SHISA8: variants seen among roughly 807,000 people sequenced by gnomAD.
SHISA8 encodes protein shisa-8.
In SHISA8, 21 loss-of-function variants were observed where a neutral mutation model predicts 21.1. The observed-to-expected ratio is 0.99, with a 90% CI of 0.71 to 1.43. The LOEUF is 1.43. Among genes scored for constraint, SHISA8 ranks in the 40% most tolerant of loss-of-function variants. The pLI is 0.00. For missense variants in SHISA8, 535 were observed against 599.1 expected, an observed-to-expected ratio of 0.89 and a Z score of 1.12; for synonymous variants, 300 against 291.4, an observed-to-expected ratio of 1.03 and a Z score of -0.30.
At chr22:41,912,322 C>T (rs1336460846) in intron 1 of SHISA8, among the ~76,000 whole-genome samples, 5 of 152,238 alleles carry the variant, frequency 3.3e-5, no homozygotes, top group Non-Finnish European at 7.3e-5. Context: ...ACCCTCCTTC[C>T]GGGGCTAGAG....
At position 41,914,771 on chromosome 22, in the gene SHISA8, C is replaced by T. The variant is rs1168003167; in HGVS notation, c.-104G>A. 3 of 881,006 alleles carry T rather than the reference C, an allele frequency of 3.4e-6. No individual in the cohort carries two copies. Among genetic ancestry groups the T allele is most frequent in the Admixed American group, 6.2e-5 (1 of 16,238 alleles). 54.6% of individuals were successfully genotyped at this position (881,006 alleles called of 1,614,324 possible). A position where few individuals can be genotyped will look rare whatever the true frequency, so the allele number is the denominator to read the frequency against. ...GCAGGGATCGCGCTGGCTCCCGGCG[C>T]ACGCCGCCTCGGCCGTCGGCCTCCT... On this transcript the variant is annotated 5_prime_UTR_variant, in exon 1 of 4. Coordinates refer to ENST00000621082, the MANE Select transcript of SHISA8 (RefSeq NM_001207020.3). This position sits in a 1 kb window ranked among gnomAD's most constrained non-coding sequence, Gnocchi z 6.8.
Position 41,911,321 on chromosome 22 carries a change from C to A in SHISA8, c.559G>T (p.Gly187Cys). The A allele has an allele frequency of 8.0e-7, 1 of 1,246,116 alleles. No homozygotes were observed. Among genetic ancestry groups the A allele is most frequent in the South Asian group, 3.5e-5 (1 of 28,786 alleles). 77.2% of individuals were successfully genotyped at this position (1,246,116 alleles called of 1,614,324 possible). A position where few individuals can be genotyped will look rare whatever the true frequency, so the allele number is the denominator to read the frequency against. ...RALTELLKQP[G>C]PQEPLPPTLG... Reference sequence around the variant, plus strand: ...GTGGGAGGCAGTGGCTCCTGGGGGCCCGGCTGCTTCAGAAGCTCTGTCAGC... The same window carrying A: ...GTGGGAGGCAGTGGCTCCTGGGGGCACGGCTGCTTCAGAAGCTCTGTCAGC... Residue 187 changes from glycine to cysteine, a missense_variant, in exon 2 of 4, where the codon GGC becomes TGC. Coordinates refer to ENST00000621082, the MANE Select transcript of SHISA8 (RefSeq NM_001207020.3).
chr22:41,911,319 G>T lies in SHISA8; in HGVS notation c.561C>A (p.Gly187=), dbSNP rs1472234651. 6 of 1,246,094 alleles carry T rather than the reference G, an allele frequency of 4.8e-6. No homozygotes were observed. Among genetic ancestry groups the T allele is most frequent in the African/African-American group, 1.5e-5 (1 of 64,638 alleles). 77.2% of individuals were successfully genotyped at this position (1,246,094 alleles called of 1,614,324 possible). Residue 187 remains glycine, a synonymous_variant, in exon 2 of 4, where the codon GGC becomes GGA. Coordinates refer to ENST00000621082, the MANE Select transcript of SHISA8 (RefSeq NM_001207020.3). ...RALTELLKQP[G]PQEPLPPTLG... ...GGGTGGGAGGCAGTGGCTCCTGGGGGCCCGGCTGCTTCAGAAGCTCTGTCA... is the reference window on the plus strand; with the variant it reads ...GGGTGGGAGGCAGTGGCTCCTGGGGTCCCGGCTGCTTCAGAAGCTCTGTCA...
Position 41,914,883 on chromosome 22 carries a change from G to T in SHISA8, c.-216C>A, listed in dbSNP as rs960975449. The stretch of plus-strand genomic sequence containing the variant: ...GCGTCCTCCGCCCGGGCTCACCTCG[G>T]ACCCGAGCTGCCCGGTCCGCGTCCT... On this transcript the variant is annotated 5_prime_UTR_variant, in exon 1 of 4. Transcript: ENST00000621082. The surrounding 1 kb of genome is among the most constrained non-coding windows in gnomAD (Gnocchi z 6.8). 6.6e-6 allele frequency among the ~76,000 whole-genome samples: 1 copy of T among 151,304 alleles called. No individual in the cohort carries two copies. Among genetic ancestry groups the T allele is most frequent in the African/African-American group, 2.4e-5 (1 of 41,312 alleles).
rs1432156191 is a variant in SHISA8, at chr22:41,910,803, G to A, written c.665-249C>T. On this transcript the variant is annotated intron_variant, in intron 2 of 3. Coordinates refer to ENST00000621082, the MANE Select transcript of SHISA8 (RefSeq NM_001207020.3). This position sits in a 1 kb window ranked among gnomAD's most constrained non-coding sequence, Gnocchi z 6.8. ...TGCCACCCTCATGAACGGCTCGCCCGGAGGCGACGCTCGAGCCAGGCGCGG... is the reference window on the plus strand; with the variant it reads ...TGCCACCCTCATGAACGGCTCGCCCAGAGGCGACGCTCGAGCCAGGCGCGG... Among the ~76,000 whole-genome samples the A allele has an allele frequency of 6.6e-6, 1 of 152,082 alleles. No homozygotes were observed. The highest frequency in any genetic ancestry group is 1.5e-5 in the Non-Finnish European group (1 of 68,004).
Position 41,909,989 on chromosome 22 carries a change from G to T in SHISA8, c.970C>A (p.Pro324Thr), listed in dbSNP as rs2077537187. Residue 324 changes from proline (P) to threonine (T), a missense_variant, in exon 4 of 4, where the codon CCC becomes ACC. Transcript: ENST00000621082. ...CGACTGGAGGTCCAGGCGGCATAGG[G>T]GCCCGGCGCGGCAGGGGGCGCGTAG... ...PVYAPPAAPG[P>T]YAAWTSSRPA... The T allele has an allele frequency of 3.8e-6, 5 of 1,320,518 alleles. No homozygotes were observed. The Admixed American group carries it at 2.1e-4, about 55-fold the overall frequency. The allele number at this position is 1,320,518 out of a possible 1,614,324, so 81.8% of individuals were successfully genotyped here. A position where few individuals can be genotyped will look rare whatever the true frequency, so the allele number is the denominator to read the frequency against.
At chr22:41,912,606 C>G (rs148613983) in intron 1 of SHISA8, among the ~76,000 whole-genome samples, 1 of 152,172 alleles carries the variant, frequency 6.6e-6, no homozygotes, top group Admixed American at 6.5e-5. Context: ...CTCTGAGAAG[C>G]CTTCCCTGGC....
intron 1 of SHISA8, among the ~76,000 whole-genome samples, chr22:41,913,151 G>A (rs2077562658): frequency 6.6e-6 from 1 of 152,252 alleles, no homozygotes; most frequent in Non-Finnish European, 1.5e-5. Context: ...GGGCTACGTG[G>A]TTTCGGGAGC....
At position 41,909,955 on chromosome 22, in the gene SHISA8, C is replaced by T. The variant is rs1349777965; in HGVS notation, c.1004G>A (p.Arg335Gln). The stretch of plus-strand genomic sequence containing the variant: ...CGTCGGGTGGCTGAGCGGGGCGGGC[C>T]GGGCCGGGCGACTGGAGGTCCAGGC... ...YAAWTSSRPA[R>Q]PAPLSHPTAR... The change falls in exon 4 of 4, where the codon CGG (arginine) becomes CAG (glutamine). Residue 335 changes from arginine (R) to glutamine (Q), a missense_variant. Physicochemically the swap from Arg to Gln is conservative, Grantham distance 43 (BLOSUM62 1). Transcript: ENST00000621082. 2 of 1,470,828 alleles carry T rather than the reference C, an allele frequency of 1.4e-6. No homozygotes were observed. Among genetic ancestry groups the T allele is most frequent in the Admixed American group, 2.4e-5 (1 of 41,248 alleles). The allele number at this position is 1,470,828 out of a possible 1,614,324, so 91.1% of individuals were successfully genotyped here. A position where few individuals can be genotyped will look rare whatever the true frequency, so the allele number is the denominator to read the frequency against.
rs528844299 is a variant in SHISA8 at position 41,911,488 on chromosome 22, G to A, written c.531-139C>T. 1.7e-4 allele frequency: 162 copies of A among 957,268 alleles called. 1 individual carries two copies. In the South Asian group the frequency reaches 6.8e-3, roughly 40 times the overall value. 59.3% of individuals were successfully genotyped at this position (957,268 alleles called of 1,614,324 possible). A position where few individuals can be genotyped will look rare whatever the true frequency, so the allele number is the denominator to read the frequency against. Reference sequence around the variant, plus strand: ...CGTCCTCTCCGGTGCTCGAAATCACGCACGAGTTTCCCCTCCCAGGCAGTA... The same window carrying A: ...CGTCCTCTCCGGTGCTCGAAATCACACACGAGTTTCCCCTCCCAGGCAGTA... On this transcript the variant is annotated intron_variant, in intron 1 of 3. Transcript: ENST00000621082.
At chr22:41,911,172 C>T in intron 2 of SHISA8, 44 bp downstream of exon 2, 1 of 1,258,142 alleles carries the variant, frequency 7.9e-7, no homozygotes, top group Non-Finnish European at 1.0e-6. Flanking sequence ...TCACGCCCCT[C>T]CGCGTGCTCC....
At chr22:41,911,509 C>T (rs1226010989) in intron 1 of SHISA8, among the ~76,000 whole-genome samples, 160 bp from the exon 2 acceptor site, 1 of 152,202 alleles carries the variant, frequency 6.6e-6, no homozygotes, top group East Asian at 1.9e-4. Flanking sequence ...CCCTCCCAGG[C>T]AGTATCTGCC....
At position 41,910,244 on chromosome 22, in the gene SHISA8, CCGGGGCGGGCCGGGGG is replaced by C. The variant is rs2077539701; in HGVS notation, c.812-113_812-98del. ...GCCGGGGACTGGGACGGGGACCGGG[CCGGGGCGGGCCGGGGG>C]CGGGGCCCGCTGGGGCGAGGGAGCC... On this transcript the variant is annotated intron_variant, in intron 3 of 3. Transcript: ENST00000621082. The surrounding 1 kb of genome is among the most constrained non-coding windows in gnomAD (Gnocchi z 6.8). 3 of 1,219,162 alleles carry C rather than the reference CCGGGGCGGGCCGGGGG, an allele frequency of 2.5e-6. No individual in the cohort carries two copies. The African/African-American group carries it at 4.8e-5, about 19-fold the overall frequency. The allele number at this position is 1,219,162 out of a possible 1,614,324, so 75.5% of individuals were successfully genotyped here.
chr22:41,909,778 T>C lies in SHISA8; in HGVS notation c.1181A>G (p.Glu394Gly). 6.8e-7 allele frequency: 1 copy of C among 1,474,836 alleles called. No homozygotes were observed. Among genetic ancestry groups the C allele is most frequent in the Admixed American group, 2.3e-5 (1 of 44,186 alleles). The allele number at this position is 1,474,836 out of a possible 1,614,324, so 91.4% of individuals were successfully genotyped here. A position where few individuals can be genotyped will look rare whatever the true frequency, so the allele number is the denominator to read the frequency against. The change falls in exon 4 of 4, where the codon GAG becomes GGG. Residue 394 changes from glutamate to glycine, a missense_variant. Transcript: ENST00000621082. Reference sequence around the variant, plus strand: ...CGCGGCCCCGCTTCACACGGTGACCTCGGTCTTGCTATTGGTCCTTAGGTA... The same window carrying C: ...CGCGGCCCCGCTTCACACGGTGACCCCGGTCTTGCTATTGGTCCTTAGGTA... The part of the protein sequence containing the change: ...SRYLRTNSKT[E>G]VTV
In SHISA8 at chr22:41,910,888, G is replaced by C. The variant is rs1013137269; in HGVS notation, c.664+328C>G. Reference sequence around the variant, plus strand: ...GTCTGAGGAACAGAACCCAGACGGGGCGTGGGGGCTGCCAAGCCTGCCTGC... The same window carrying C: ...GTCTGAGGAACAGAACCCAGACGGGCCGTGGGGGCTGCCAAGCCTGCCTGC... On this transcript the variant is annotated intron_variant, in intron 2 of 3. Transcript: ENST00000621082. This position sits in a 1 kb window ranked among gnomAD's most constrained non-coding sequence, Gnocchi z 6.8. Among the ~76,000 whole-genome samples the C allele has an allele frequency of 4.6e-5, 7 of 152,086 alleles. No individual in the cohort carries two copies. In the South Asian group the frequency reaches 1.2e-3, roughly 27 times the overall value.
intron 2 of SHISA8, 21 bp downstream of exon 2, chr22:41,911,194 GC>G: frequency 7.9e-7 from 1 of 1,266,898 alleles, no homozygotes; most frequent in South Asian, 3.0e-5. Flanking sequence ...CCGCCGCTCA[GC>G]CCCGCCCGCC....
rs891713145 is a variant in SHISA8 at position 41,914,245 on chromosome 22, G to T, written c.423C>A (p.Ala141=). The change falls in exon 1 of 4, where the codon GCC becomes GCA. Residue 141 remains alanine, a synonymous_variant. Transcript: ENST00000621082. This position sits in a 1 kb window ranked among gnomAD's most constrained non-coding sequence, Gnocchi z 6.8. Reference sequence around the variant, plus strand: ...CTGCGACGCCGCACACAGCGTAGACGGCCGTATGGCTGCGCTCGCGGCCGG... The same window carrying T: ...CTGCGACGCCGCACACAGCGTAGACTGCCGTATGGCTGCGCTCGCGGCCGG... ...RDPGRERSHT[A]VYAVCGVAAL... 1.0e-5 allele frequency: 14 copies of T among 1,348,280 alleles called. No homozygotes were observed. In the African/African-American group the frequency reaches 1.5e-4, roughly 15 times the overall value. The allele number at this position is 1,348,280 out of a possible 1,614,324, so 83.5% of individuals were successfully genotyped here. A position where few individuals can be genotyped will look rare whatever the true frequency, so the allele number is the denominator to read the frequency against.
chr22:41,913,572 G>C (rs151323149), intron 1 of SHISA8, among the ~76,000 whole-genome samples: 1 of 152,206 alleles, frequency 6.6e-6, no homozygotes, highest in Non-Finnish European at 1.5e-5. Context: ...CCCTTTCTAC[G>C]CAGAGGGAGC....
rs2077571095 is a variant in SHISA8, at chr22:41,914,313, G to A, written c.355C>T (p.Arg119Trp). 2.4e-6 allele frequency: 3 copies of A among 1,241,180 alleles called. No individual in the cohort carries two copies. Among genetic ancestry groups the A allele is most frequent in the Admixed American group, 4.3e-5 (1 of 23,012 alleles). 76.9% of individuals were successfully genotyped at this position (1,241,180 alleles called of 1,614,324 possible). Residue 119 changes from arginine to tryptophan, a missense_variant, in exon 1 of 4, where the codon CGG (arginine) becomes TGG (tryptophan). Coordinates refer to ENST00000621082, the MANE Select transcript of SHISA8 (RefSeq NM_001207020.3). The surrounding 1 kb of genome is among the most constrained non-coding windows in gnomAD (Gnocchi z 6.8). The stretch of plus-strand genomic sequence containing the variant: ...GTGTCGCGGGCGCGGGCGGGCGGCC[G>A]GCCTGTCTGGACCCAGGCCGGCGTG... Reference protein sequence around the residue: ...YDTPAWVQTGRPPARARDTAA... With the variant: ...YDTPAWVQTGWPPARARDTAA...
Sources: allele counts gnomAD v4.1 joint callset (sites outside exome capture counted in the v4.1 genomes callset), GRCh38; gene constraint gnomAD v4.1.1; non-coding constraint Gnocchi (gnomAD v3.1); transcripts MANE v1.5; gene names NCBI Gene and HGNC (gene_info 2026-07-23, HGNC 2026-07-21).